TMEM150C: variants seen among roughly 807,000 people sequenced by gnomAD.
The protein encoded by TMEM150C is transmembrane protein 150C, also known as tentonin 3.
TMEM150C carries 10 observed loss-of-function variants against 29.9 expected under a neutral mutation model. The ratio of observed to expected loss-of-function variants is 0.33; its 90% CI spans 0.21 to 0.57. The LOEUF is 0.57. Among genes scored for constraint, TMEM150C ranks in the 20% least tolerant of loss-of-function variants. TMEM150C has a pLI of 0.88. For synonymous variants in TMEM150C, 101 were observed against 112.5 expected (o/e 0.90, Z 0.64); for missense variants, 251 against 303.6 (o/e 0.83, Z 1.29).
intron 7 of TMEM150C, among the ~76,000 whole-genome samples, chr4:82,487,723 C>A (rs1723207674): frequency 6.6e-6 from 1 of 151,956 alleles, no homozygotes. Context: ...AATGGTGGAA[C>A]AGGAATTTGT....
chr4:82,561,856 C>A, intron 1 of TMEM150C, 50 bp downstream of exon 1: 1 of 979,764 alleles, frequency 1.0e-6, no homozygotes. Flanking sequence ...GGGCCGGACG[C>A]CCCCTGGCTG....
intron 1 of TMEM150C, among the ~76,000 whole-genome samples, chr4:82,560,065 T>C (rs1405329433): frequency 3.3e-5 from 5 of 152,076 alleles, no homozygotes; most frequent in African/African-American, 1.2e-4. Context: ...ATTGTGAACA[T>C]GATTGTGGTA....
At chr4:82,516,166 T>C (rs905557680) in intron 1 of TMEM150C, among the ~76,000 whole-genome samples, 2 of 151,916 alleles carry the variant, frequency 1.3e-5, no homozygotes, top group African/African-American at 4.8e-5. Flanking sequence ...GAGAAGCAAA[T>C]TCAGGTTGAA....
At position 82,514,797 on chromosome 4, in the gene TMEM150C, G is replaced by A. The variant is rs189410376; in HGVS notation, c.-10-10130C>T. On this transcript the variant is annotated intron_variant, in intron 1 of 7. Transcript: ENST00000449862. ...ACTCATTTCCTATGAACCGGGACAC[G>A]ATGACCGGAAGACAGGAGCTATGCT... Among the ~76,000 whole-genome samples the A allele has an allele frequency of 2.0e-4, 31 of 152,156 alleles. No homozygotes were observed. The East Asian group carries it at 4.1e-3, about 20-fold the overall frequency.
chr4:82,485,263 A>G lies in TMEM150C; in HGVS notation c.*248T>C. The G allele has an allele frequency of 2.1e-6, 1 of 468,206 alleles. No individual in the cohort carries two copies. Among genetic ancestry groups the G allele is most frequent in the Non-Finnish European group, 3.9e-6 (1 of 255,544 alleles). The allele number at this position is 468,206 out of a possible 1,614,324, so 29.0% of individuals were successfully genotyped here. A position where few individuals can be genotyped will look rare whatever the true frequency, so the allele number is the denominator to read the frequency against. The stretch of plus-strand genomic sequence containing the variant: ...GGAAGGGGACGGATAAGAAGTGATC[A>G]TGCACAAGCTTCTTGCTCTGTCGTG... On this transcript the variant is annotated 3_prime_UTR_variant, in exon 8 of 8. Coordinates refer to ENST00000449862, the MANE Select transcript of TMEM150C (RefSeq NM_001080506.3).
intron 1 of TMEM150C, among the ~76,000 whole-genome samples, chr4:82,506,972 C>T (rs897014007): frequency 1.3e-5 from 2 of 152,116 alleles, no homozygotes; most frequent in African/African-American, 4.8e-5. Flanking sequence ...CAATAACTGA[C>T]TAATAGGGTC....
intron 1 of TMEM150C, among the ~76,000 whole-genome samples, chr4:82,552,162 G>A (rs1401388722): frequency 2.0e-5 from 3 of 152,140 alleles, no homozygotes; most frequent in Non-Finnish European, 4.4e-5. Context: ...AGAACCAGAT[G>A]TTGGCACCAT....
At chr4:82,517,052 T>C (rs1475823561) in intron 1 of TMEM150C, among the ~76,000 whole-genome samples, 4 of 152,194 alleles carry the variant, frequency 2.6e-5, no homozygotes, top group Non-Finnish European at 5.9e-5. Context: ...TGCAGTTAAC[T>C]GCCTGATGCC....
At chr4:82,512,781 G>A (rs1724169401) in intron 1 of TMEM150C, among the ~76,000 whole-genome samples, 2 of 152,096 alleles carry the variant, frequency 1.3e-5, no homozygotes, top group South Asian at 4.1e-4. Flanking sequence ...GGTCACAATG[G>A]CAGTTTTTGT....
At chr4:82,557,890 A>T (rs1189452722) in intron 1 of TMEM150C, among the ~76,000 whole-genome samples, 1 of 151,736 alleles carries the variant, frequency 6.6e-6, no homozygotes, top group Non-Finnish European at 1.5e-5. Context: ...CACCATGCGC[A>T]GCTAATTTTT....
intron 1 of TMEM150C, among the ~76,000 whole-genome samples, chr4:82,549,714 T>C (rs564675160): frequency 6.6e-6 from 1 of 152,270 alleles, no homozygotes; most frequent in African/African-American, 2.4e-5. Context: ...CTTTTTGTAA[T>C]CATCTCTTTA....
chr4:82,491,090 C>CATTGCTG, intron 6 of TMEM150C: 2 of 707,382 alleles, frequency 2.8e-6, no homozygotes. Flanking sequence ...AGCAAGAGAC[C>CATTGCTG]CCCATTTTAC....
At chr4:82,525,894 C>A (rs1412572399) in intron 1 of TMEM150C, among the ~76,000 whole-genome samples, 1 of 151,778 alleles carries the variant, frequency 6.6e-6, no homozygotes. Context: ...AAAAAAAAAA[C>A]ATTTTCTTTT....
chr4:82,488,969 C>T (rs890178313), intron 7 of TMEM150C, among the ~76,000 whole-genome samples: 13 of 151,852 alleles, frequency 8.6e-5, no homozygotes, highest in Non-Finnish European at 1.8e-4. Context: ...TAGCTCGCTG[C>T]AGCCTTAAAC....
chr4:82,490,338 A>T lies in TMEM150C; in HGVS notation c.364-100T>A, dbSNP rs190905300. On this transcript the variant is annotated intron_variant, in intron 6 of 7. Transcript: ENST00000449862. ...ATGAGGGGAAAAGATAGGAAAAGAA[A>T]TATCCCAATAATGGGATGATAGATT... The T allele has an allele frequency of 6.0e-5, 62 of 1,034,980 alleles. No individual in the cohort carries two copies. In the African/African-American group the frequency reaches 9.4e-4, roughly 16 times the overall value. The allele number at this position is 1,034,980 out of a possible 1,614,324, so 64.1% of individuals were successfully genotyped here. A position where few individuals can be genotyped will look rare whatever the true frequency, so the allele number is the denominator to read the frequency against.
chr4:82,518,717 T>C (rs1724377960), intron 1 of TMEM150C, among the ~76,000 whole-genome samples: 1 of 152,196 alleles, frequency 6.6e-6, no homozygotes, highest in South Asian at 2.1e-4. Context: ...TTCTAGACAA[T>C]GGGCACTGTT....
intron 1 of TMEM150C, among the ~76,000 whole-genome samples, chr4:82,546,139 T>C (rs1206928139): frequency 6.6e-6 from 1 of 152,186 alleles, no homozygotes; most frequent in Non-Finnish European, 1.5e-5. Flanking sequence ...GAATCAATAT[T>C]ATTAAAATGG....
At chr4:82,503,359 C>T (rs866441102) in intron 2 of TMEM150C, among the ~76,000 whole-genome samples, 1 of 152,082 alleles carries the variant, frequency 6.6e-6, no homozygotes, top group South Asian at 2.1e-4. Context: ...AACTAGAAAA[C>T]AAGGAAATAG....
chr4:82,485,852 G>A, intron 7 of TMEM150C, 133 bp from the exon 8 acceptor site: 1 of 733,642 alleles, frequency 1.4e-6, no homozygotes. Flanking sequence ...GCTAGAGCTT[G>A]TTGAACACGA....
Sources: gnomAD v4.1 joint callset for allele counts (sites outside exome capture counted in the v4.1 genomes callset) on GRCh38, gnomAD v4.1.1 for gene constraint, MANE v1.5 for transcripts, NCBI Gene and HGNC (gene_info 2026-07-23, HGNC 2026-07-21) for gene names.